CDON: variants seen among roughly 807,000 people sequenced by gnomAD.
CDON encodes cell adhesion associated, oncogene regulated, also known as cell adhesion molecule-related/down-regulated by oncogenes.
A neutral mutation model predicts 120.9 loss-of-function variants in CDON; 73 were observed. That is an observed-to-expected ratio of 0.60 (90% CI 0.50 to 0.73). The LOEUF (loss-of-function observed/expected upper bound fraction) is 0.73, where lower values mean the gene tolerates loss of function less well. Among genes scored for constraint, CDON ranks in the 30% least tolerant of loss-of-function variants. The pLI is 0.00. For missense variants in CDON, 1,470 were observed against 1,587.3 expected (o/e 0.93, Z 1.26); for synonymous variants, 566 against 573.5 (o/e 0.99, Z 0.19).
chr11:125,988,946 A>G (rs1946546406), intron 15 of CDON, among the ~76,000 whole-genome samples: 1 of 152,200 alleles, frequency 6.6e-6, no homozygotes, highest in Admixed American at 6.5e-5. Context: ...AGCAATCTAG[A>G]AAGTAGTCAA....
In CDON at chr11:126,034,216, G is replaced by A. The variant is rs956924485; in HGVS notation, c.-61-10679C>T. 2.6e-5 allele frequency among the ~76,000 whole-genome samples: 4 copies of A among 151,950 alleles called. No homozygotes were observed. Among genetic ancestry groups the A allele is most frequent in the Non-Finnish European group, 4.4e-5 (3 of 68,014 alleles). ...AGTCGAGTCAGCCAAGCATACAAAC[G>A]ATCCTGCTGCCTGCGAAAGCATTTC... On this transcript the variant is annotated intron_variant, in intron 1 of 19. Coordinates refer to ENST00000531738, the MANE Select transcript of CDON (RefSeq NM_001378964.1). This position sits in a 1 kb window ranked among gnomAD's most constrained non-coding sequence, Gnocchi z 4.5.
chr11:126,009,035 T>A (rs1245691154), intron 8 of CDON, among the ~76,000 whole-genome samples: 1 of 152,208 alleles, frequency 6.6e-6, no homozygotes, highest in African/African-American at 2.4e-5. Context: ...GTGGGGCACC[T>A]TCACTATACC....
intron 1 of CDON, among the ~76,000 whole-genome samples, chr11:126,028,343 A>G (rs1947851146): frequency 6.6e-6 from 1 of 151,614 alleles, no homozygotes; most frequent in Non-Finnish European, 1.5e-5. Context: ...TTAATTTATT[A>G]TTTAGTGATC....
In CDON at chr11:125,983,986, T is replaced by C. The variant is rs1946387419; in HGVS notation, c.2881A>G (p.Ser961Gly). The C allele has an allele frequency of 6.2e-7, 1 of 1,614,162 alleles. No individual in the cohort carries two copies. Among genetic ancestry groups the C allele is most frequent in the East Asian group, 2.2e-5 (1 of 44,862 alleles). The change falls in exon 16 of 20, where the codon AGC becomes GGC. Residue 961 changes from serine to glycine, a missense_variant. Transcript: ENST00000531738. ...ACGATCAGATATAACATGTCACTGC[T>C]TCTGGCAGGGCTGGTTGCAGGCCCC... ...NVGPATSPAR[S>G]SDMLYLIVGC...
chr11:125,988,168 G>A (rs2134482811), intron 15 of CDON, among the ~76,000 whole-genome samples: 1 of 152,244 alleles, frequency 6.6e-6, no homozygotes, highest in East Asian at 1.9e-4. Flanking sequence ...TTTAGGGGCT[G>A]TGTGGGGCTG....
In CDON at chr11:126,001,406, A is replaced by G. The variant is rs12576756; in HGVS notation, c.2158+313T>C. ...GGTCTCCCCCTCTGTTGCCCAGGCT[A>G]GTCTCAAACTCCTAGTCTCAAGTGA... On this transcript the variant is annotated intron_variant, in intron 11 of 19. Transcript: ENST00000531738. Among the ~76,000 whole-genome samples the G allele has an allele frequency of 0.23, 34,614 of 151,870 alleles. 4,524 individuals carry two copies. Among genetic ancestry groups the G allele is most frequent in the South Asian group, 0.32 (1,535 of 4,794 alleles).
At chr11:125,976,629 A>G (rs1322314422) in intron 18 of CDON, among the ~76,000 whole-genome samples, 1 of 151,880 alleles carries the variant, frequency 6.6e-6, no homozygotes, top group Non-Finnish European at 1.5e-5. Context: ...ACACACACAC[A>G]CACACACACT....
At chr11:125,999,054 TA>T (rs576002098) in intron 11 of CDON, among the ~76,000 whole-genome samples, 2 of 151,996 alleles carry the variant, frequency 1.3e-5, no homozygotes, top group South Asian at 2.1e-4. Flanking sequence ...CTGTAGCATT[TA>T]AAAAAAATAA....
rs762571384 is a variant in CDON, at chr11:125,978,316, C to T, written c.3344G>A (p.Arg1115Gln). The change falls in exon 18 of 20, where the codon CGA becomes CAA. Residue 1115 changes from arginine (R) to glutamine (Q), a missense_variant. By Grantham distance (43) the Arg-to-Gln change is conservative. Coordinates refer to ENST00000531738, the MANE Select transcript of CDON (RefSeq NM_001378964.1). ...PLECVNCRNCRNNNRCFTKTN... is the reference protein window; with the variant it reads ...PLECVNCRNCQNNNRCFTKTN... Reference sequence around the variant, plus strand: ...ATTATTAACATACCTATTGTTGTTTCGACAATTTCGGCAGTTAACACACTC... The same window carrying T: ...ATTATTAACATACCTATTGTTGTTTTGACAATTTCGGCAGTTAACACACTC... 4.9e-5 allele frequency: 78 copies of T among 1,598,518 alleles called. No homozygotes were observed. Among genetic ancestry groups the T allele is most frequent in the East Asian group, 6.7e-5 (3 of 44,812 alleles).
At chr11:126,003,556 C>T (rs1045169813) in intron 10 of CDON, among the ~76,000 whole-genome samples, 3 of 152,188 alleles carry the variant, frequency 2.0e-5, no homozygotes, top group South Asian at 2.1e-4. Flanking sequence ...CACAGTGGCT[C>T]ACGCCTATAA....
intron 1 of CDON, among the ~76,000 whole-genome samples, chr11:126,038,546 G>A (rs994863788): frequency 6.6e-6 from 1 of 151,968 alleles, no homozygotes; most frequent in Admixed American, 6.6e-5. Flanking sequence ...CAGCTACTCG[G>A]GACGCTGAGG....
chr11:125,991,110 G>A (rs192304094), intron 14 of CDON, among the ~76,000 whole-genome samples: 2 of 152,066 alleles, frequency 1.3e-5, no homozygotes, highest in African/African-American at 2.4e-5. Context: ...CTTTCATAGC[G>A]TTCATAAAAA....
chr11:125,985,605 T>C (rs1402813837), intron 15 of CDON, among the ~76,000 whole-genome samples: 1 of 152,224 alleles, frequency 6.6e-6, no homozygotes, highest in Non-Finnish European at 1.5e-5. Flanking sequence ...GTCAATCAAT[T>C]CTGCTGTTAT....
At chr11:126,009,701 G>C (rs1947236114) in intron 8 of CDON, among the ~76,000 whole-genome samples, 2 of 152,180 alleles carry the variant, frequency 1.3e-5, no homozygotes, top group African/African-American at 4.8e-5. Context: ...ACACCCAACT[G>C]ACTAGCTGTT....
intron 7 of CDON, chr11:126,011,042 A>G (rs1376145160): frequency 5.3e-6 from 2 of 376,136 alleles, no homozygotes; most frequent in African/African-American, 2.1e-5. Flanking sequence ...TAACAGGAAA[A>G]ATGTGTAAAT....
intron 1 of CDON, among the ~76,000 whole-genome samples, chr11:126,061,116 G>T (rs1434149520): frequency 1.3e-5 from 2 of 152,206 alleles, no homozygotes; most frequent in African/African-American, 4.8e-5. Flanking sequence ...ACACTGGGAA[G>T]TTTTTGCATG....
At chr11:125,966,185 C>A (rs1945795620) in intron 18 of CDON, among the ~76,000 whole-genome samples, 1 of 148,318 alleles carries the variant, frequency 6.7e-6, no homozygotes, top group South Asian at 2.1e-4. Context: ...CATCAGGAGA[C>A]AAGAACAAGA....
intron 7 of CDON, among the ~76,000 whole-genome samples, chr11:126,014,527 A>T (rs192374460): frequency 5.7e-4 from 87 of 152,314 alleles, no homozygotes; most frequent in Admixed American, 1.5e-3. Flanking sequence ...AATTACCAAC[A>T]CAGATATGGT....
At chr11:126,001,577 A>T (rs1231470432) in intron 11 of CDON, 142 bp downstream of exon 11, 2 of 688,500 alleles carry the variant, frequency 2.9e-6, no homozygotes, top group Non-Finnish European at 5.0e-6. Context: ...AATATAGGAC[A>T]TTAAAATTGT....
Sources: gnomAD v4.1 joint callset for allele counts (sites outside exome capture counted in the v4.1 genomes callset) on GRCh38, gnomAD v4.1.1 for gene constraint, Gnocchi (gnomAD v3.1) non-coding constraint, MANE v1.5 for transcripts, NCBI Gene and HGNC (gene_info 2026-07-23, HGNC 2026-07-21) for gene names.